The following TTC21B variants were observed in gnomAD, a reference collection of about 807,000 sequenced individuals.
TTC21B encodes the protein tetratricopeptide repeat domain 21B.
A neutral mutation model predicts 175.1 loss-of-function variants in TTC21B; 127 were observed. The ratio of observed to expected loss-of-function variants is 0.73; its 90% confidence interval spans 0.63 to 0.84. TTC21B has a LOEUF of 0.84. Ranked by LOEUF, TTC21B falls within the 40% of genes least tolerant of loss-of-function variation. The pLI, the probability that TTC21B is intolerant of heterozygous loss-of-function variation, is 0.00. For missense variants in TTC21B, 1,561 were observed against 1,558.3 expected (o/e 1.00, Z -0.03); for synonymous variants, 524 against 524.5 (o/e 1.00, Z 0.01).
intron 3 of TTC21B, chr2:165,947,998 C>G (rs1343626767): frequency 6.6e-6 from 1 of 152,166 alleles, no homozygotes; most frequent in Non-Finnish European, 1.5e-5. Context: ...TCAATCTATA[C>G]TAACTACAGC....
At position 165,917,352 on chromosome 2, in the gene TTC21B, T is replaced by C; in HGVS notation, c.1804A>G (p.Thr602Ala). 6.2e-7 allele frequency: 1 copy of C among 1,614,220 alleles called. No individual in the cohort carries two copies. Among genetic ancestry groups the C allele is most frequent in the East Asian group, 2.2e-5 (1 of 44,870 alleles). Reference sequence around the variant, plus strand: ...TCAGTTTTTCTGTCTTTTGATTTTGTGGAAGCTCCAATTCTTTTCATTCCT... The same window carrying C: ...TCAGTTTTTCTGTCTTTTGATTTTGCGGAAGCTCCAATTCTTTTCATTCCT... ...LPGMKRIGAS[T>A]KSKDRKTEVD... The change falls in exon 14 of 29, where the codon ACA becomes GCA. Residue 602 changes from threonine (T) to alanine (A), a missense_variant. Thr to Ala is a moderately conservative substitution (Grantham distance 58). Transcript: ENST00000243344.
chr2:165,888,416 G>A lies in TTC21B; in HGVS notation c.3322C>T (p.Leu1108Phe), dbSNP rs1212961480. Residue 1108 changes from leucine (L) to phenylalanine (F), a missense_variant, in exon 25 of 29, where the codon CTT becomes TTT. By Grantham distance (22) the Leu-to-Phe change is conservative (BLOSUM62 0). Coordinates refer to ENST00000243344, the MANE Select transcript of TTC21B (RefSeq NM_024753.5). ...QLAVRTAEKL[L>F]KELKPQTVQG... ...ACAGTCTGAGGTTTTAGTTCCTTAAGAAGTTTTTCTGCTGTTCTTACTGCC... is the reference window on the plus strand; with the variant it reads ...ACAGTCTGAGGTTTTAGTTCCTTAAAAAGTTTTTCTGCTGTTCTTACTGCC... The A allele has an allele frequency of 6.2e-7, 1 of 1,613,918 alleles. No homozygotes were observed. Among genetic ancestry groups the A allele is most frequent in the Admixed American group, 1.7e-5 (1 of 60,022 alleles).
At chr2:165,898,468 G>T (rs1559046052) in intron 22 of TTC21B, among the ~76,000 whole-genome samples, 2 of 152,176 alleles carry the variant, frequency 1.3e-5, no homozygotes, top group Non-Finnish European at 2.9e-5. Flanking sequence ...AATACAGTAG[G>T]ATTACCAGGT....
intron 18 of TTC21B, among the ~76,000 whole-genome samples, chr2:165,908,627 T>C (rs765902688): frequency 7.9e-5 from 12 of 152,136 alleles, no homozygotes; most frequent in Non-Finnish European, 1.5e-4. Context: ...AAATTTAAAA[T>C]GGGTATGATT....
intron 18 of TTC21B, 111 bp downstream of exon 18, chr2:165,911,215 AT>A: frequency 7.3e-7 from 1 of 1,364,610 alleles, no homozygotes; most frequent in South Asian, 1.2e-5. Context: ...GCATGTATTT[AT>A]ATAACCAACC....
At chr2:165,920,761 T>G in intron 12 of TTC21B, among the ~76,000 whole-genome samples, 1 of 148,920 alleles carries the variant, frequency 6.7e-6, no homozygotes, top group Non-Finnish European at 1.5e-5. Flanking sequence ...ATTTAAAATA[T>G]TTTGAAATAT....
At chr2:165,880,140 C>T (rs959037681) in intron 27 of TTC21B, among the ~76,000 whole-genome samples, 1 of 152,008 alleles carries the variant, frequency 6.6e-6, no homozygotes, top group Admixed American at 6.6e-5. Context: ...CTGTTAGGGA[C>T]ACTGTAGACT....
chr2:165,937,878 T>A (rs2217579), intron 6 of TTC21B, among the ~76,000 whole-genome samples: 46,540 of 150,114 alleles, frequency 0.31, 7,794 homozygotes, highest in Non-Finnish European at 0.39. Flanking sequence ...ACTAGTACCC[T>A]AATTGTGGCC....
rs1408040873 is a variant in TTC21B, at chr2:165,874,737, C to T, written c.*18G>A. ...TCTTTCATTTCCTGTTAAACCAACA[C>T]CTAAGTTAAAATTATTTTCAAGGTC... On this transcript the variant is annotated 3_prime_UTR_variant, in exon 29 of 29. Transcript: ENST00000243344. 1 of 1,607,338 alleles carries T rather than the reference C, an allele frequency of 6.2e-7. No individual in the cohort carries two copies. Among genetic ancestry groups the T allele is most frequent in the Non-Finnish European group, 8.5e-7 (1 of 1,174,212 alleles).
chr2:165,880,696 C>T lies in TTC21B; in HGVS notation c.3788G>A (p.Arg1263Gln), dbSNP rs201495700. Residue 1263 changes from arginine (R) to glutamine (Q), a missense_variant, in exon 27 of 29, where the codon CGG (arginine) becomes CAG (glutamine). Physicochemically the swap from Arg to Gln is conservative, Grantham distance 43. Coordinates refer to ENST00000243344, the MANE Select transcript of TTC21B (RefSeq NM_024753.5). ...AAACTCACCTACTGCCGGATTTGTC[C>T]GATTGCTATATTTCCATGCCATCTC... is the stretch of plus-strand genomic sequence containing the variant. ...NYEMAWKYSN[R>Q]TNPAVGYKLA... 12 of 1,613,438 alleles carry T rather than the reference C, an allele frequency of 7.4e-6. No individual in the cohort carries two copies. In the East Asian group the frequency reaches 8.9e-5, roughly 12 times the overall value.
In TTC21B at chr2:165,874,770, C is replaced by T. The variant is rs201470854; in HGVS notation, c.3936G>A (p.Ala1312=). ...AAAATTATTTTCAAGGTCTTAAAGA[C>T]GCACGGGCCTTATCAAGTATATCCT... ...IRKDILDKAR[A]SLRP is the part of the protein sequence containing the mutation. The change falls in exon 29 of 29, where the codon GCG becomes GCA. Residue 1312 remains alanine, a synonymous_variant. Coordinates refer to ENST00000243344, the MANE Select transcript of TTC21B (RefSeq NM_024753.5). 1.5e-5 allele frequency: 24 copies of T among 1,613,510 alleles called. No homozygotes were observed. Among genetic ancestry groups the T allele is most frequent in the South Asian group, 5.5e-5 (5 of 91,078 alleles).
At chr2:165,906,684 C>T (rs1285619756) in intron 19 of TTC21B, among the ~76,000 whole-genome samples, 1 of 152,088 alleles carries the variant, frequency 6.6e-6, no homozygotes, top group African/African-American at 2.4e-5. Flanking sequence ...GTGGCTCACG[C>T]CTGTAATCCC....
rs1324011386 is a variant in TTC21B at position 165,873,580 on chromosome 2, T to C, written c.*1175A>G. ...ACCGTTGCCTTCACATGGTGTGCTT[T>C]GTGACTCCCTGCTGACCAAAAGTAT... On this transcript the variant is annotated 3_prime_UTR_variant, in exon 29 of 29. Transcript: ENST00000243344. The C allele has an allele frequency of 1.3e-5, 2 of 152,204 alleles. No homozygotes were observed. The highest frequency in any genetic ancestry group is 4.8e-5 in the African/African-American group (2 of 41,460). The allele number at this position is 152,204 out of a possible 1,614,324, so 9.4% of individuals were successfully genotyped here.
chr2:165,911,713 A>G (rs1374675662), intron 17 of TTC21B, among the ~76,000 whole-genome samples: 1 of 151,346 alleles, frequency 6.6e-6, no homozygotes, highest in African/African-American at 2.4e-5. Context: ...CCCAGGCTGG[A>G]GTGCAGTGAT....
chr2:165,908,146 A>G (rs1235877760), intron 18 of TTC21B, among the ~76,000 whole-genome samples: 1 of 152,218 alleles, frequency 6.6e-6, no homozygotes, highest in East Asian at 1.9e-4. Flanking sequence ...GCAATTAAGA[A>G]GATAACTGCT....
intron 11 of TTC21B, among the ~76,000 whole-genome samples, chr2:165,928,163 A>AG (rs777890542): frequency 5.3e-5 from 8 of 152,194 alleles, no homozygotes; most frequent in Non-Finnish European, 1.2e-4. Context: ...TAGATAAAGC[A>AG]GATGACAGAT....
At chr2:165,927,610 C>T (rs913404699) in intron 11 of TTC21B, among the ~76,000 whole-genome samples, 4 of 150,980 alleles carry the variant, frequency 2.6e-5, no homozygotes, top group Admixed American at 6.7e-5. Flanking sequence ...AAGTAGAGTG[C>T]TAGGTACTCT....
chr2:165,949,386 T>C lies in TTC21B; in HGVS notation c.262+8A>G. ...AAATGTCCTAAGCATTGCATTTAAA[T>C]ATCATACCTGGATTAGGACTCATTT... is the stretch of plus-strand genomic sequence containing the variant. On this transcript the variant is annotated splice_region_variant and intron_variant, in intron 3 of 28. Transcript: ENST00000243344. The C allele has an allele frequency of 6.3e-7, 1 of 1,591,910 alleles. No homozygotes were observed. Among genetic ancestry groups the C allele is most frequent in the Non-Finnish European group, 8.6e-7 (1 of 1,159,894 alleles).
At chr2:165,897,702 T>C (rs1157330927) in intron 22 of TTC21B, among the ~76,000 whole-genome samples, 1 of 151,978 alleles carries the variant, frequency 6.6e-6, no homozygotes, top group Non-Finnish European at 1.5e-5. Context: ...AGGGGGTGAA[T>C]ATATAAAAAG....
Sources: gnomAD v4.1 joint callset for allele counts (sites outside exome capture counted in the v4.1 genomes callset) on GRCh38, gnomAD v4.1.1 for gene constraint, MANE v1.5 for transcripts, NCBI Gene and HGNC (gene_info 2026-07-23, HGNC 2026-07-21) for gene names.